The following CLVS1 variants were observed in gnomAD, a reference collection of about 807,000 sequenced individuals.
CLVS1 encodes the protein clavesin-1.
CLVS1 carries 10 observed loss-of-function variants against 33.1 expected under a neutral mutation model. The observed-to-expected ratio is 0.30, with a 90% CI of 0.19 to 0.51. The LOEUF (loss-of-function observed/expected upper bound fraction) is 0.51. Among genes scored for constraint, CLVS1 ranks in the 20% least tolerant of loss-of-function variants. CLVS1 has a pLI of 0.97. For synonymous variants in CLVS1, 163 were observed against 166.1 expected (o/e 0.98, Z 0.14); for missense variants, 343 against 433.4 (o/e 0.79, Z 1.85).
In CLVS1 at chr8:61,376,482, G is replaced by A. The variant is rs1001357859; in HGVS notation, c.456-123G>A. On this transcript the variant is annotated intron_variant, in intron 2 of 5. Coordinates refer to ENST00000325897, the MANE Select transcript of CLVS1 (RefSeq NM_173519.3). ...TTTTCAGTCCCTTTGGGTACAGGAC[G>A]CCAGTGTGACCCTCCAGGCGGGGTT... 27 of 803,420 alleles carry A rather than the reference G, an allele frequency of 3.4e-5. No individual in the cohort carries two copies. The African/African-American group carries it at 3.8e-4, about 11-fold the overall frequency. The allele number at this position is 803,420 out of a possible 1,614,324, so 49.8% of individuals were successfully genotyped here. A position where few individuals can be genotyped will look rare whatever the true frequency, so the allele number is the denominator to read the frequency against.
At chr8:60,966,232 G>A in the CLVS1 span, 4 of 375,294 alleles carry the variant, frequency 1.1e-5, no homozygotes, top group Admixed American at 6.4e-5. Context: ...CCTAACTAGC[G>A]CGGCTGTGAG....
At chr8:60,995,221 G>C in the CLVS1 span, among the ~76,000 whole-genome samples, 7 of 152,070 alleles carry the variant, frequency 4.6e-5, no homozygotes, top group African/African-American at 1.7e-4. Flanking sequence ...AGAGTGAACA[G>C]GCAACCTACA....
the CLVS1 span, among the ~76,000 whole-genome samples, chr8:61,041,023 AG>A: frequency 5.3e-5 from 8 of 152,086 alleles, no homozygotes; most frequent in Non-Finnish European, 1.2e-4. Context: ...GGTGAAAGGT[AG>A]GGGTTCAGTT....
chr8:61,290,450 T>C (rs1365224368), intron 1 of CLVS1, among the ~76,000 whole-genome samples: 1 of 152,218 alleles, frequency 6.6e-6, no homozygotes, highest in Admixed American at 6.5e-5. Flanking sequence ...CAGCCGAGTG[T>C]CATCATATAT....
At chr8:61,211,153 C>A (rs1807963251) in intron 2 of CLVS1, among the ~76,000 whole-genome samples, 1 of 152,120 alleles carries the variant, frequency 6.6e-6, no homozygotes, top group Non-Finnish European at 1.5e-5. Flanking sequence ...TGAACAGTTT[C>A]AGTCAGGGGT....
At position 61,459,605 on chromosome 8, in the gene CLVS1, A is replaced by C. The variant is rs75470803; in HGVS notation, c.977+1063A>C. On this transcript the variant is annotated intron_variant, in intron 5 of 5. Coordinates refer to ENST00000325897, the MANE Select transcript of CLVS1 (RefSeq NM_173519.3). Reference sequence around the variant, plus strand: ...GTGAGAACATAAGATGTGAAACCTGATTTTTTAAGACTAAAATCCCCTTCA... The same window carrying C: ...GTGAGAACATAAGATGTGAAACCTGCTTTTTTAAGACTAAAATCCCCTTCA... Among the ~76,000 whole-genome samples, 3 of 151,646 alleles carry C rather than the reference A, an allele frequency of 2.0e-5. No individual in the cohort carries two copies. In the East Asian group the frequency reaches 5.9e-4, roughly 30 times the overall value.
At chr8:61,069,513 T>C (rs983997315) in intron 1 of CLVS1, among the ~76,000 whole-genome samples, 7 of 152,224 alleles carry the variant, frequency 4.6e-5, no homozygotes, top group African/African-American at 1.4e-4. Context: ...TTGGTGCATC[T>C]TATAGCAGAT....
At chr8:61,174,453 A>G (rs1807073264) in intron 2 of CLVS1, among the ~76,000 whole-genome samples, 1 of 151,986 alleles carries the variant, frequency 6.6e-6, no homozygotes, top group Admixed American at 6.6e-5. Flanking sequence ...ACAAACAAAC[A>G]AACAAACAAA....
the CLVS1 span, among the ~76,000 whole-genome samples, chr8:61,013,016 C>A: frequency 1.3e-5 from 2 of 152,158 alleles, no homozygotes; most frequent in Admixed American, 1.3e-4. Flanking sequence ...TATCCCTTGC[C>A]GTCCATCTTG....
At chr8:61,201,765 G>A (rs1035296843) in intron 2 of CLVS1, among the ~76,000 whole-genome samples, 5 of 152,172 alleles carry the variant, frequency 3.3e-5, no homozygotes, top group Admixed American at 6.5e-5. Flanking sequence ...CCTCTAACAA[G>A]TGTCTGTTTG....
intron 2 of CLVS1, among the ~76,000 whole-genome samples, chr8:61,360,466 A>C (rs1273915710): frequency 6.6e-6 from 1 of 152,188 alleles, no homozygotes; most frequent in African/African-American, 2.4e-5. Context: ...TCAATCAAAA[A>C]CACAAATATT....
chr8:60,999,551 A>G, the CLVS1 span, among the ~76,000 whole-genome samples: 1 of 152,222 alleles, frequency 6.6e-6, no homozygotes, highest in African/African-American at 2.4e-5. Flanking sequence ...TGAGAATTAA[A>G]TGAAAACATT....
chr8:61,459,624 C>A (rs1352142328), intron 5 of CLVS1, among the ~76,000 whole-genome samples: 1 of 151,996 alleles, frequency 6.6e-6, no homozygotes, highest in African/African-American at 2.4e-5. Flanking sequence ...GACTAAAATC[C>A]CCTTCAGCCA....
At chr8:61,038,058 T>C in the CLVS1 span, among the ~76,000 whole-genome samples, 7 of 152,200 alleles carry the variant, frequency 4.6e-5, no homozygotes, top group East Asian at 1.3e-3. Context: ...GTAACACACC[T>C]GGACTGTCCC....
At chr8:61,435,818 T>A (rs1443383963) in intron 3 of CLVS1, among the ~76,000 whole-genome samples, 1 of 152,142 alleles carries the variant, frequency 6.6e-6, no homozygotes, top group African/African-American at 2.4e-5. Flanking sequence ...CAGTCAATTT[T>A]TAAGAAGGAG....
chr8:61,223,548 C>G (rs1808268169), intron 2 of CLVS1, among the ~76,000 whole-genome samples: 1 of 152,232 alleles, frequency 6.6e-6, no homozygotes, highest in South Asian at 2.1e-4. Flanking sequence ...GAGAGATCCA[C>G]TGTTACTCTG....
chr8:61,364,928 T>A (rs1014972502), intron 2 of CLVS1, among the ~76,000 whole-genome samples: 1 of 152,208 alleles, frequency 6.6e-6, no homozygotes, highest in African/African-American at 2.4e-5. Context: ...ACAGAGTTGC[T>A]TTACTAATTC....
chr8:61,456,067 C>A (rs1316837185), intron 4 of CLVS1, among the ~76,000 whole-genome samples: 1 of 152,218 alleles, frequency 6.6e-6, no homozygotes, highest in Non-Finnish European at 1.5e-5. Context: ...TTTCCAGCAA[C>A]TTATTCTTCT....
intron 2 of CLVS1, among the ~76,000 whole-genome samples, chr8:61,269,308 T>C (rs1452031118): frequency 6.6e-6 from 1 of 152,234 alleles, no homozygotes; most frequent in Non-Finnish European, 1.5e-5. Flanking sequence ...GTCTGGTTTG[T>C]CAAAGATCAG....
Sources: allele counts gnomAD v4.1 joint callset (sites outside exome capture counted in the v4.1 genomes callset), GRCh38; gene constraint gnomAD v4.1.1; transcripts MANE v1.5; gene names NCBI Gene and HGNC (gene_info 2026-07-23, HGNC 2026-07-21).